Variants in NUDT5 observed in about 807,000 individuals in gnomAD.
NUDT5 encodes the protein nudix hydrolase 5.
A neutral mutation model predicts 34.1 loss-of-function variants in NUDT5; 21 were observed. The ratio of observed to expected loss-of-function variants is 0.62; its 90% confidence interval spans 0.44 to 0.89. The LOEUF (loss-of-function observed/expected upper bound fraction) is 0.89, where lower values mean the gene tolerates loss of function less well. Among genes scored for constraint, NUDT5 ranks in the 40% least tolerant of loss-of-function variants. The probability of loss-of-function intolerance (pLI) is 0.00; values close to 1 mark genes in which losing one functional copy is unlikely to be tolerated. For synonymous variants in NUDT5, 85 were observed against 97.6 expected, an observed-to-expected ratio of 0.87 and a Z score of 0.76; for missense variants, 249 against 274.8, an observed-to-expected ratio of 0.91 and a Z score of 0.66.
intron 1 of NUDT5, among the ~76,000 whole-genome samples, chr10:12,191,376 C>T (rs2131719915): frequency 6.6e-6 from 1 of 151,614 alleles, no homozygotes; most frequent in South Asian, 2.1e-4. Flanking sequence ...GAGCAAGACT[C>T]CGTCTCAAAA....
Position 12,173,888 on chromosome 10 carries a change from A to G in NUDT5, c.290-75T>C, listed in dbSNP as rs1834903725. On this transcript the variant is annotated intron_variant, in intron 5 of 9. Transcript: ENST00000491614. This position sits in a 1 kb window ranked among gnomAD's most constrained non-coding sequence, Gnocchi z 4.7. ...AAACCCTCCTTTTTTTTTTTTTGAG[A>G]TGGAGTCTCACTCTGTCGCCCAGGC... is the stretch of plus-strand genomic sequence containing the variant. 16 of 1,016,142 alleles carry G rather than the reference A, an allele frequency of 1.6e-5. No individual in the cohort carries two copies. 62.9% of individuals were successfully genotyped at this position (1,016,142 alleles called of 1,614,324 possible).
chr10:12,192,981 G>A (rs1377482805), intron 1 of NUDT5, among the ~76,000 whole-genome samples: 1 of 142,508 alleles, frequency 7.0e-6, no homozygotes, highest in Non-Finnish European at 1.5e-5. Context: ...GCAGTTGGGT[G>A]GGCAGGGAGT....
chr10:12,194,199 T>C (rs1337569992), intron 1 of NUDT5, among the ~76,000 whole-genome samples: 1 of 152,262 alleles, frequency 6.6e-6, no homozygotes, highest in East Asian at 1.9e-4. Flanking sequence ...TCTTGGGCTG[T>C]TAAAGTACTG....
Position 12,192,723 on chromosome 10 carries a change from C to T in NUDT5, c.-42+3047G>A, listed in dbSNP as rs192431441. Among the ~76,000 whole-genome samples, 279 of 152,066 alleles carry T rather than the reference C, an allele frequency of 1.8e-3. 2 individuals carry two copies. Among genetic ancestry groups the T allele is most frequent in the African/African-American group, 6.4e-3 (267 of 41,482 alleles). On this transcript the variant is annotated intron_variant, in intron 1 of 9. Transcript: ENST00000491614. ...AAAATTAGCTGGGTGAGGTGGCACA[C>T]GCCAGTAGTCCCAGCTACTTGGGAG...
rs1835037291 is a variant in NUDT5, at chr10:12,181,283, G to A, written c.132-2151C>T. Among the ~76,000 whole-genome samples the A allele has an allele frequency of 6.6e-6, 1 of 152,188 alleles. No homozygotes were observed. ...CATAGGTTAGAGGCAAATACATACT[G>A]AGTATCTGCATTTTCATATCAGGGA... On this transcript the variant is annotated intron_variant, in intron 3 of 9. Coordinates refer to ENST00000491614, the MANE Select transcript of NUDT5 (RefSeq NM_014142.4). The surrounding 1 kb of genome is among the most constrained non-coding windows in gnomAD (Gnocchi z 5.0).
chr10:12,180,868 C>G (rs1002412921), intron 3 of NUDT5, among the ~76,000 whole-genome samples: 1 of 152,234 alleles, frequency 6.6e-6, no homozygotes, highest in Admixed American at 6.5e-5. Flanking sequence ...TGGCCTTCCT[C>G]CCTCTAGTTC....
chr10:12,179,211 C>A, intron 3 of NUDT5, 79 bp from the exon 4 acceptor site: 2 of 1,168,550 alleles, frequency 1.7e-6, no homozygotes, highest in Non-Finnish European at 2.5e-6. Context: ...ACAACCAGAA[C>A]TTCTTAAATG....
chr10:12,167,856 G>A (rs1404117269), intron 9 of NUDT5, 45 bp from the exon 10 acceptor site: 1 of 1,608,348 alleles, frequency 6.2e-7, no homozygotes. Flanking sequence ...CGTTAAGGAA[G>A]GACAAAACAT....
intron 5 of NUDT5, among the ~76,000 whole-genome samples, chr10:12,174,658 C>T (rs1237085564): frequency 1.3e-5 from 2 of 152,236 alleles, no homozygotes; most frequent in Admixed American, 6.5e-5. Flanking sequence ...ATCCAGTCGT[C>T]CTATTCAGAC....
At chr10:12,186,388 G>T in intron 1 of NUDT5, 56 bp from the exon 2 acceptor site, 2 of 966,770 alleles carry the variant, frequency 2.1e-6, no homozygotes, top group Non-Finnish European at 1.7e-6. Flanking sequence ...TTAAACATTC[G>T]TCCACAGGAC....
At position 12,171,060 on chromosome 10, in the gene NUDT5, G is replaced by A. The variant is rs1588654350; in HGVS notation, c.488-152C>T. The A allele has an allele frequency of 1.3e-6, 1 of 787,640 alleles. No individual in the cohort carries two copies. Among genetic ancestry groups the A allele is most frequent in the Non-Finnish European group, 2.0e-6 (1 of 490,944 alleles). The allele number at this position is 787,640 out of a possible 1,614,324, so 48.8% of individuals were successfully genotyped here. On this transcript the variant is annotated intron_variant, in intron 7 of 9. Transcript: ENST00000491614. This position sits in a 1 kb window ranked among gnomAD's most constrained non-coding sequence, Gnocchi z 4.2. Reference sequence around the variant, plus strand: ...TTATATACATTGTCAAACTCGAGCAGTATGAAGTTATTGTTCTCCACATAA... The same window carrying A: ...TTATATACATTGTCAAACTCGAGCAATATGAAGTTATTGTTCTCCACATAA...
Position 12,170,143 on chromosome 10 carries a change from T to A in NUDT5, c.550+574A>T. 1 of 1,612,638 alleles carries A rather than the reference T, an allele frequency of 6.2e-7. No individual in the cohort carries two copies. Among genetic ancestry groups the A allele is most frequent in the Non-Finnish European group, 8.5e-7 (1 of 1,179,692 alleles). Reference sequence around the variant, plus strand: ...AGGACTTTTCTCCCCATAAGCTTACTGTTTACAAAGTCTCTAAAAGATGGG... The same window carrying A: ...AGGACTTTTCTCCCCATAAGCTTACAGTTTACAAAGTCTCTAAAAGATGGG... On this transcript the variant is annotated intron_variant, in intron 9 of 9. Coordinates refer to ENST00000491614, the MANE Select transcript of NUDT5 (RefSeq NM_014142.4). This position sits in a 1 kb window ranked among gnomAD's most constrained non-coding sequence, Gnocchi z 4.9.
Position 12,170,070 on chromosome 10 carries a change from G to A in NUDT5, c.550+647C>T, listed in dbSNP as rs1194613139. On this transcript the variant is annotated intron_variant, in intron 9 of 9. Coordinates refer to ENST00000491614, the MANE Select transcript of NUDT5 (RefSeq NM_014142.4). This position sits in a 1 kb window ranked among gnomAD's most constrained non-coding sequence, Gnocchi z 4.9. ...TACAGTATCTCCTCGTCTCCACACAGTATCTCCTCATGTCTCCATACAGTA... is the reference window on the plus strand; with the variant it reads ...TACAGTATCTCCTCGTCTCCACACAATATCTCCTCATGTCTCCATACAGTA... 4.4e-6 allele frequency: 7 copies of A among 1,596,038 alleles called. No individual in the cohort carries two copies. The highest frequency in any genetic ancestry group is 4.3e-6 in the Non-Finnish European group (5 of 1,164,804).
chr10:12,191,069 T>G (rs564404985), intron 1 of NUDT5, among the ~76,000 whole-genome samples: 6 of 152,108 alleles, frequency 3.9e-5, no homozygotes, highest in Non-Finnish European at 5.9e-5. Flanking sequence ...CTCAAGCTCC[T>G]CCTCCACTTT....
intron 5 of NUDT5, among the ~76,000 whole-genome samples, chr10:12,177,584 G>A (rs12784508): frequency 2.6e-5 from 4 of 152,218 alleles, no homozygotes; most frequent in African/African-American, 9.6e-5. Flanking sequence ...GTTGGGATGG[G>A]TGGGAGGTGG....
At chr10:12,191,119 C>T (rs1350418703) in intron 1 of NUDT5, among the ~76,000 whole-genome samples, 1 of 152,162 alleles carries the variant, frequency 6.6e-6, no homozygotes, top group Non-Finnish European at 1.5e-5. Context: ...CACAGTGGCT[C>T]ATGCCTATAA....
rs1357780220 is a variant in NUDT5 at position 12,187,524 on chromosome 10, A to T, written c.-41-1192T>A. 6.6e-6 allele frequency among the ~76,000 whole-genome samples: 1 copy of T among 151,834 alleles called. No individual in the cohort carries two copies. The highest frequency in any genetic ancestry group is 1.5e-5 in the Non-Finnish European group (1 of 67,972). ...CCGAAGGTCAAAGTCTTTTTTTCTTACCCACACACATGGTTGTTAATTCAG... is the reference window on the plus strand; with the variant it reads ...CCGAAGGTCAAAGTCTTTTTTTCTTTCCCACACACATGGTTGTTAATTCAG... On this transcript the variant is annotated intron_variant, in intron 1 of 9. Transcript: ENST00000491614. This position sits in a 1 kb window ranked among gnomAD's most constrained non-coding sequence, Gnocchi z 5.4.
chr10:12,193,893 G>GA (rs890746648), intron 1 of NUDT5, among the ~76,000 whole-genome samples: 7 of 149,404 alleles, frequency 4.7e-5, no homozygotes, highest in East Asian at 2.0e-4. Flanking sequence ...TCCCGAGACG[G>GA]AAAAAAAAGA....
chr10:12,168,127 C>T lies in NUDT5; in HGVS notation c.551-316G>A, dbSNP rs961412199. 2.6e-5 allele frequency among the ~76,000 whole-genome samples: 4 copies of T among 151,702 alleles called. No individual in the cohort carries two copies. The highest frequency in any genetic ancestry group is 2.9e-5 in the Non-Finnish European group (2 of 67,980). ...GCAACCTCTGCCTCCTGGGTTTAAG[C>T]GATTCTCCTGCCTCAGCCTCCCCAG... On this transcript the variant is annotated intron_variant, in intron 9 of 9. Transcript: ENST00000491614. This position sits in a 1 kb window ranked among gnomAD's most constrained non-coding sequence, Gnocchi z 4.8.
Sources: allele counts gnomAD v4.1 joint callset (sites outside exome capture counted in the v4.1 genomes callset), GRCh38; gene constraint gnomAD v4.1.1; non-coding constraint Gnocchi (gnomAD v3.1); transcripts MANE v1.5; gene names NCBI Gene and HGNC (gene_info 2026-07-23, HGNC 2026-07-21).